MYOF: variants seen among roughly 807,000 people sequenced by gnomAD.
MYOF encodes myoferlin, also known as fer-1-like 3, myoferlin.
In MYOF, 244 loss-of-function variants were observed where a neutral mutation model predicts 284.2. The observed-to-expected ratio is 0.86, with a 90% CI of 0.77 to 0.95. The LOEUF is 0.95. MYOF is among the 40% of genes least tolerant of loss of function. The pLI is 0.00. For synonymous variants in MYOF, 904 were observed against 919.7 expected, an observed-to-expected ratio of 0.98 and a Z score of 0.31; for missense variants, 2,496 against 2,560.6, an observed-to-expected ratio of 0.97 and a Z score of 0.54.
chr10:93,346,202 A>T (rs745804802), intron 37 of MYOF, among the ~76,000 whole-genome samples: 2 of 152,254 alleles, frequency 1.3e-5, no homozygotes, highest in Non-Finnish European at 2.9e-5. Flanking sequence ...AGTTTTGCTT[A>T]AATGTGACTG....
intron 39 of MYOF, chr10:93,338,529 C>G: frequency 2.2e-6 from 1 of 456,382 alleles, no homozygotes; most frequent in South Asian, 1.6e-5. Context: ...ATCTACCTGC[C>G]TCCATGTACC....
chr10:93,452,183 T>A (rs776264035), intron 2 of MYOF, 42 bp from the exon 3 acceptor site: 1 of 1,363,380 alleles, frequency 7.3e-7, no homozygotes, highest in Non-Finnish European at 1.0e-6. Context: ...AAAAAAAGGC[T>A]GTTAGAAGGA....
At chr10:93,451,522 C>G (rs548857033) in intron 3 of MYOF, among the ~76,000 whole-genome samples, 1 of 152,104 alleles carries the variant, frequency 6.6e-6, no homozygotes, top group African/African-American at 2.4e-5. Flanking sequence ...AGTGTCACCA[C>G]GGGCACCACC....
At chr10:93,447,952 A>G (rs1411810544) in intron 3 of MYOF, among the ~76,000 whole-genome samples, 1 of 152,136 alleles carries the variant, frequency 6.6e-6, no homozygotes, top group Non-Finnish European at 1.5e-5. Context: ...TGATCCTTTT[A>G]AAATATGTCA....
chr10:93,442,869 C>T (rs1004547473), intron 3 of MYOF, among the ~76,000 whole-genome samples: 4 of 152,028 alleles, frequency 2.6e-5, no homozygotes, highest in African/African-American at 4.8e-5. Context: ...AATAGAATTC[C>T]AACACTCAGC....
At chr10:93,453,899 A>AG (rs2056664366) in intron 2 of MYOF, among the ~76,000 whole-genome samples, 1 of 152,038 alleles carries the variant, frequency 6.6e-6, no homozygotes, top group South Asian at 2.1e-4. Flanking sequence ...AAGAAAAAAA[A>AG]GAGCCGGGCG....
chr10:93,440,390 G>A (rs142432485), intron 3 of MYOF, among the ~76,000 whole-genome samples: 4 of 147,686 alleles, frequency 2.7e-5, no homozygotes, highest in African/African-American at 7.5e-5. Flanking sequence ...CCAGCCTGTC[G>A]ACAGAGCAAG....
chr10:93,463,910 T>C (rs2134357171), intron 1 of MYOF, among the ~76,000 whole-genome samples: 1 of 149,910 alleles, frequency 6.7e-6, no homozygotes, highest in East Asian at 2.0e-4. Context: ...TCAGGACTCC[T>C]GAGACTGGCT....
intron 32 of MYOF, among the ~76,000 whole-genome samples, chr10:93,353,391 G>C (rs549945283): frequency 6.6e-6 from 1 of 152,284 alleles, no homozygotes; most frequent in South Asian, 2.1e-4. Flanking sequence ...ACTGCTCAAA[G>C]CCTGGTGCTG....
Position 93,347,667 on chromosome 10 carries a change from A to G in MYOF, c.4199T>C (p.Phe1400Ser). 1 of 1,614,044 alleles carries G rather than the reference A, an allele frequency of 6.2e-7. No individual in the cohort carries two copies. Among genetic ancestry groups the G allele is most frequent in the Non-Finnish European group, 8.5e-7 (1 of 1,180,014 alleles). The change falls in exon 37 of 54, where the codon TTT (phenylalanine) becomes TCT (serine). Residue 1400 changes from phenylalanine (F) to serine (S), a missense_variant. By Grantham distance (155) the Phe-to-Ser change is radical. This residue lies in a region of MYOF where 2,436 missense variants were observed against 2,480.7 expected (regional missense o/e 0.98). Transcript: ENST00000359263. Reference protein sequence around the residue: ...GQCTIERLDRFRCDPYAGKED... With the variant: ...GQCTIERLDRSRCDPYAGKED... ...TTTCCCTGCATAAGGGTCACAGCGA[A>G]AGCGGTCCAGGCGCTCGATGGTGCA...
chr10:93,371,715 C>G (rs1021466106), intron 24 of MYOF, among the ~76,000 whole-genome samples: 4 of 148,006 alleles, frequency 2.7e-5, no homozygotes, highest in Non-Finnish European at 4.4e-5. Flanking sequence ...TAAACCAAAG[C>G]TCTCTGGGGC....
At chr10:93,455,601 G>A (rs2056726672) in intron 2 of MYOF, among the ~76,000 whole-genome samples, 1 of 152,120 alleles carries the variant, frequency 6.6e-6, no homozygotes, top group Non-Finnish European at 1.5e-5. Context: ...GGAATTCAAG[G>A]CAGTATTGAA....
chr10:93,335,704 T>TTTTCC (rs148769270), intron 41 of MYOF, among the ~76,000 whole-genome samples: 7,733 of 151,842 alleles, frequency 0.051, 299 homozygotes, highest in Middle Eastern at 0.082. Flanking sequence ...CCCCTCCCCC[T>TTTTCC]TTTCCTTTCT....
At chr10:93,377,682 T>C (rs1845897080) in intron 21 of MYOF, among the ~76,000 whole-genome samples, 1 of 152,258 alleles carries the variant, frequency 6.6e-6, no homozygotes, top group East Asian at 1.9e-4. Context: ...ACACAGTATT[T>C]TGACTATGTA....
chr10:93,386,570 G>T (rs1846375851), intron 19 of MYOF, among the ~76,000 whole-genome samples: 1 of 152,212 alleles, frequency 6.6e-6, no homozygotes, highest in Non-Finnish European at 1.5e-5. Context: ...GGCAGTCTCA[G>T]GAGCCTGCTC....
intron 3 of MYOF, among the ~76,000 whole-genome samples, chr10:93,442,953 G>A (rs2056313885): frequency 1.3e-5 from 2 of 152,172 alleles, no homozygotes; most frequent in South Asian, 4.1e-4. Flanking sequence ...GAGGCCAGGA[G>A]TTCGAGACCA....
intron 5 of MYOF, among the ~76,000 whole-genome samples, chr10:93,410,230 G>A (rs1200458053): frequency 6.6e-6 from 1 of 152,014 alleles, no homozygotes; most frequent in East Asian, 1.9e-4. Context: ...CACCCTAATG[G>A]CAGAAGAGAA....
chr10:93,310,047 G>A lies in MYOF; in HGVS notation c.6120C>T (p.Phe2040=), dbSNP rs772809321. Residue 2040 remains phenylalanine, a synonymous_variant, in exon 53 of 54, where the codon TTC becomes TTT. Coordinates refer to ENST00000359263, the MANE Select transcript of MYOF (RefSeq NM_013451.4). Reference sequence around the variant, plus strand: ...GCAAAGAGTAGAGGAGCACGGCCACGAAGAGCAGCAGGATAAGCAGGAACA... The same window carrying A: ...GCAAAGAGTAGAGGAGCACGGCCACAAAGAGCAGCAGGATAAGCAGGAACA... ...GLLFLLILLL[F]VAVLLYSLPN... 1.4e-5 allele frequency: 23 copies of A among 1,613,982 alleles called. No homozygotes were observed. Among genetic ancestry groups the A allele is most frequent in the Admixed American group, 5.0e-5 (3 of 59,992 alleles).
chr10:93,352,382 T>C (rs778628491), intron 32 of MYOF, among the ~76,000 whole-genome samples: 7 of 152,234 alleles, frequency 4.6e-5, no homozygotes, highest in Non-Finnish European at 1.0e-4. Context: ...TTGTTTCTAA[T>C]GTTGATGGTA....
Sources: gnomAD v4.1 joint callset for allele counts (sites outside exome capture counted in the v4.1 genomes callset) on GRCh38, gnomAD v4.1.1 for gene constraint, gnomAD v4.1.1 regional missense constraint, MANE v1.5 for transcripts, NCBI Gene and HGNC (gene_info 2026-07-23, HGNC 2026-07-21) for gene names.